Variants in G3BP2 observed in about 807,000 individuals in gnomAD.
The protein encoded by G3BP2 is G3BP stress granule assembly factor 2.
In G3BP2, 11 loss-of-function variants were observed where a neutral mutation model predicts 56.7. The observed-to-expected ratio is 0.19, with a 90% CI of 0.12 to 0.32. G3BP2 has a LOEUF of 0.32. Among genes scored for constraint, G3BP2 ranks in the 10% least tolerant of loss-of-function variants. The pLI, the probability that G3BP2 is intolerant of heterozygous loss-of-function variation, is 1.00. For synonymous variants in G3BP2, 165 were observed against 191.6 expected, an observed-to-expected ratio of 0.86 and a Z score of 1.15; for missense variants, 340 against 610.9, an observed-to-expected ratio of 0.56 and a Z score of 4.67.
At chr4:75,677,385 A>T (rs1231479455), upstream of G3BP2, among the ~76,000 whole-genome samples, 1 of 152,154 alleles carries the variant, frequency 6.6e-6, no homozygotes, top group Non-Finnish European at 1.5e-5. Flanking sequence ...AGCCTGGCCA[A>T]CATAGTGAAA....
intron 3 of G3BP2, among the ~76,000 whole-genome samples, chr4:75,693,800 AAG>A (rs1553892153): frequency 2.0e-5 from 3 of 147,220 alleles, no homozygotes; most frequent in African/African-American, 7.5e-5. Context: ...AAAAAAAAAA[AAG>A]AGCTGGACTG....
At chr4:75,670,162 T>A (rs1265423570) in intron 1 of G3BP2, among the ~76,000 whole-genome samples, 1 of 152,212 alleles carries the variant, frequency 6.6e-6, no homozygotes, top group Admixed American at 6.5e-5. Context: ...ACAGCTTATC[T>A]CCACTATAGG....
At chr4:75,683,005 G>T (rs535844973) in intron 3 of G3BP2, among the ~76,000 whole-genome samples, 14 of 151,376 alleles carry the variant, frequency 9.2e-5, no homozygotes, top group Admixed American at 2.6e-4. Flanking sequence ...AAGAAAGAAA[G>T]AAATCATGCA....
intron 3 of G3BP2, among the ~76,000 whole-genome samples, chr4:75,713,688 C>A (rs1719833278): frequency 6.6e-6 from 1 of 152,108 alleles, no homozygotes; most frequent in South Asian, 2.1e-4. Context: ...ACTCAGGAGG[C>A]TGAAGCAGGA....
chr4:75,656,577 A>C (rs188787186), intron 5 of G3BP2, among the ~76,000 whole-genome samples: 23 of 152,282 alleles, frequency 1.5e-4, no homozygotes. Flanking sequence ...AAGACATATT[A>C]TTACATTAAA....
At chr4:75,659,207 T>C (rs1560618615) in intron 2 of G3BP2, among the ~76,000 whole-genome samples, 1 of 152,238 alleles carries the variant, frequency 6.6e-6, no homozygotes, top group Admixed American at 6.5e-5. Flanking sequence ...TTCACATCTA[T>C]TTTTTGTTAA....
At chr4:75,711,557 A>G (rs903897732) in intron 3 of G3BP2, among the ~76,000 whole-genome samples, 1 of 151,966 alleles carries the variant, frequency 6.6e-6, no homozygotes, top group African/African-American at 2.4e-5. Flanking sequence ...TACTAAAAAT[A>G]CAAAAATTAG....
chr4:75,666,493 T>C (rs1733043515), intron 1 of G3BP2, among the ~76,000 whole-genome samples: 2 of 152,212 alleles, frequency 1.3e-5, no homozygotes, highest in South Asian at 2.1e-4. Context: ...GTTACTTCTT[T>C]AACCATAACT....
At chr4:75,663,028 T>C (rs1410368387) in intron 1 of G3BP2, among the ~76,000 whole-genome samples, 2 of 152,214 alleles carry the variant, frequency 1.3e-5, no homozygotes, top group Non-Finnish European at 2.9e-5. Context: ...ACCTTTGATA[T>C]TATGTCTCTC....
chr4:75,684,958 T>C (rs986643585), intron 3 of G3BP2, among the ~76,000 whole-genome samples: 1 of 152,086 alleles, frequency 6.6e-6, no homozygotes, highest in Non-Finnish European at 1.5e-5. Context: ...CTATTTTTTA[T>C]TAAAAAGTCA....
intron 3 of G3BP2, among the ~76,000 whole-genome samples, chr4:75,720,363 G>A (rs572535969): frequency 8.8e-4 from 133 of 151,998 alleles, no homozygotes; most frequent in African/African-American, 3.1e-3. Flanking sequence ...TTAGCCGGGC[G>A]CGGTGGCGGG....
chr4:75,674,942 C>G (rs1477182797), upstream of G3BP2, among the ~76,000 whole-genome samples: 1 of 151,684 alleles, frequency 6.6e-6, no homozygotes, highest in Non-Finnish European at 1.5e-5. Context: ...AGGCTGGTCT[C>G]GAACACACCT....
At chr4:75,677,234 A>G (rs1337107334), upstream of G3BP2, among the ~76,000 whole-genome samples, 1 of 152,136 alleles carries the variant, frequency 6.6e-6, no homozygotes, top group Non-Finnish European at 1.5e-5. Context: ...AAGATCAACC[A>G]AGTCCATTAT....
chr4:75,649,538 C>T (rs1192148074), intron 8 of G3BP2, among the ~76,000 whole-genome samples: 2 of 152,114 alleles, frequency 1.3e-5, no homozygotes, highest in Non-Finnish European at 2.9e-5. Flanking sequence ...AAAATTACAT[C>T]GGCGTCTGCT....
chr4:75,700,674 C>T (rs1719308687), intron 3 of G3BP2, among the ~76,000 whole-genome samples: 1 of 149,678 alleles, frequency 6.7e-6, no homozygotes, highest in Non-Finnish European at 1.5e-5. Context: ...CTGCCTTGGG[C>T]TTCCAAAGTG....
At chr4:75,711,590 G>A (rs1719761829) in intron 3 of G3BP2, among the ~76,000 whole-genome samples, 1 of 152,066 alleles carries the variant, frequency 6.6e-6, no homozygotes, top group Admixed American at 6.6e-5. Context: ...GTGCGTGCCT[G>A]TAATCCCACC....
At chr4:75,672,611 G>C (rs987088418) in intron 1 of G3BP2, 10 of 152,320 alleles carry the variant, frequency 6.6e-5, no homozygotes, top group Admixed American at 2.0e-4. Context: ...AGCGGCGGCT[G>C]CCTTCAAACC....
At chr4:75,717,971 T>C (rs1189252497) in intron 3 of G3BP2, among the ~76,000 whole-genome samples, 2 of 151,796 alleles carry the variant, frequency 1.3e-5, no homozygotes, top group African/African-American at 2.4e-5. Flanking sequence ...AAACCCCGTC[T>C]CTACTAAAAA....
chr4:75,720,458 C>T (rs185197204), intron 3 of G3BP2, among the ~76,000 whole-genome samples: 1,739 of 147,638 alleles, frequency 0.012, 30 homozygotes, highest in African/African-American at 0.042. Flanking sequence ...GCTGAGATCG[C>T]GTCACTGCAC....
Sources: allele counts gnomAD v4.1 joint callset (sites outside exome capture counted in the v4.1 genomes callset), GRCh38; gene constraint gnomAD v4.1.1; transcripts MANE v1.5; gene names NCBI Gene and HGNC (gene_info 2026-07-23, HGNC 2026-07-21).